The following C8orf34 variants were observed in gnomAD, a reference collection of about 807,000 sequenced individuals.
The protein encoded by C8orf34 is uncharacterized protein C8orf34.
Under a neutral mutation model 68.3 loss-of-function variants are expected in C8orf34, and 65 were observed. The ratio of observed to expected loss-of-function variants is 0.95; its 90% CI spans 0.78 to 1.17. C8orf34 has a LOEUF of 1.17. Ranked by LOEUF, C8orf34 falls within the 50% of genes most tolerant of loss-of-function variation. The pLI is 0.00. For missense variants in C8orf34, 664 were observed against 655.4 expected, an observed-to-expected ratio of 1.01 and a Z score of -0.14; for synonymous variants, 244 against 241.2, an observed-to-expected ratio of 1.01 and a Z score of -0.11.
chr8:68,693,601 G>C (rs1297911378), intron 8 of C8orf34, among the ~76,000 whole-genome samples: 1 of 152,020 alleles, frequency 6.6e-6, no homozygotes, highest in East Asian at 1.9e-4. Flanking sequence ...AATTATGCTG[G>C]AGACTAAAAA....
At chr8:68,494,663 T>TCGA (rs1813448225) in intron 5 of C8orf34, among the ~76,000 whole-genome samples, 2 of 152,174 alleles carry the variant, frequency 1.3e-5, no homozygotes, top group South Asian at 4.1e-4. Context: ...GAGACCAGCT[T>TCGA]GGCCAACATG....
chr8:68,791,068 A>G (rs775667515), intron 12 of C8orf34: 4 of 588,686 alleles, frequency 6.8e-6, no homozygotes, highest in Non-Finnish European at 1.2e-5. Flanking sequence ...ATTTGAAGAA[A>G]TATACATGGA....
At chr8:68,760,785 G>A (rs764595473) in intron 10 of C8orf34, among the ~76,000 whole-genome samples, 4 of 152,158 alleles carry the variant, frequency 2.6e-5, no homozygotes, top group Non-Finnish European at 5.9e-5. Flanking sequence ...CTAAGAAGTG[G>A]AAAATATCTA....
At chr8:68,739,961 C>T (rs1048544506) in intron 10 of C8orf34, among the ~76,000 whole-genome samples, 7 of 152,148 alleles carry the variant, frequency 4.6e-5, no homozygotes, top group Admixed American at 2.6e-4. Flanking sequence ...ACACCTACAA[C>T]TATCTGATCT....
intron 3 of C8orf34, among the ~76,000 whole-genome samples, chr8:68,462,505 A>G (rs1227913764): frequency 1.1e-3 from 169 of 151,516 alleles, no homozygotes; most frequent in African/African-American, 3.7e-3. Context: ...TCAGCACCAC[A>G]CCACACCTAT....
chr8:68,566,410 G>A (rs534587887), intron 7 of C8orf34, among the ~76,000 whole-genome samples: 1 of 152,278 alleles, frequency 6.6e-6, no homozygotes, highest in African/African-American at 2.4e-5. Context: ...AGAACATGTG[G>A]TATTTGGTTT....
intron 10 of C8orf34, among the ~76,000 whole-genome samples, chr8:68,750,653 G>A (rs1042824806): frequency 3.9e-5 from 6 of 152,130 alleles, no homozygotes; most frequent in East Asian, 1.9e-4. Flanking sequence ...TGTGTGATCC[G>A]CAAACAGAAA....
chr8:68,531,792 G>C (rs1030783350), intron 6 of C8orf34, among the ~76,000 whole-genome samples: 1 of 152,010 alleles, frequency 6.6e-6, no homozygotes, highest in South Asian at 2.1e-4. Context: ...AGAGAACTGT[G>C]AAAAGGGTAC....
intron 10 of C8orf34, among the ~76,000 whole-genome samples, chr8:68,767,124 G>A (rs910382938): frequency 6.6e-6 from 1 of 152,150 alleles, no homozygotes; most frequent in Non-Finnish European, 1.5e-5. Context: ...AACCTGGGAA[G>A]CGGAGGTTGC....
chr8:68,515,423 TAA>T (rs1159723955), intron 5 of C8orf34, among the ~76,000 whole-genome samples: 1 of 151,886 alleles, frequency 6.6e-6, no homozygotes, highest in Admixed American at 6.6e-5. Flanking sequence ...CTTCACCACT[TAA>T]GTGTGGGTAG....
chr8:68,375,728 A>G (rs1807763777), intron 1 of C8orf34, among the ~76,000 whole-genome samples: 3 of 152,204 alleles, frequency 2.0e-5, no homozygotes, highest in South Asian at 2.1e-4. Flanking sequence ...TGTGTGTCTT[A>G]CCTTGACCTA....
chr8:68,510,303 G>A (rs1482390109), intron 5 of C8orf34, among the ~76,000 whole-genome samples: 4 of 152,164 alleles, frequency 2.6e-5, no homozygotes, highest in Admixed American at 1.3e-4. Context: ...GTAGGATTTG[G>A]GTGGATGGTG....
At chr8:68,763,549 C>G (rs1471715270) in intron 10 of C8orf34, among the ~76,000 whole-genome samples, 1 of 151,538 alleles carries the variant, frequency 6.6e-6, no homozygotes, top group African/African-American at 2.4e-5. Flanking sequence ...ATGTCTTTCT[C>G]TACTTCATAT....
At chr8:68,609,386 C>T (rs1244851627) in intron 7 of C8orf34, among the ~76,000 whole-genome samples, 2 of 151,982 alleles carry the variant, frequency 1.3e-5, no homozygotes, top group Non-Finnish European at 2.9e-5. Context: ...AATGATCTTC[C>T]AGGAGAGAAC....
intron 3 of C8orf34, among the ~76,000 whole-genome samples, chr8:68,460,840 G>A (rs971372824): frequency 1.3e-5 from 2 of 151,854 alleles, no homozygotes; most frequent in Non-Finnish European, 2.9e-5. Flanking sequence ...ACAAAGATGG[G>A]GAAAAAACAG....
At chr8:68,717,903 A>G (rs1028939046) in intron 9 of C8orf34, among the ~76,000 whole-genome samples, 3 of 152,200 alleles carry the variant, frequency 2.0e-5, no homozygotes, top group African/African-American at 7.2e-5. Flanking sequence ...TTTAACCCTG[A>G]CAATGAACAT....
intron 8 of C8orf34, among the ~76,000 whole-genome samples, chr8:68,647,423 T>A (rs1157607446): frequency 1.3e-5 from 2 of 152,324 alleles, no homozygotes; most frequent in East Asian, 3.9e-4. Context: ...TACTATATGT[T>A]CCAGCAATCC....
chr8:68,812,539 T>C (rs757258065), intron 12 of C8orf34, among the ~76,000 whole-genome samples: 3 of 152,156 alleles, frequency 2.0e-5, no homozygotes, highest in Non-Finnish European at 4.4e-5. Context: ...TTTAAAATTT[T>C]TTTTAAGGTT....
chr8:68,626,130 G>A (rs1489326128), intron 7 of C8orf34, among the ~76,000 whole-genome samples: 1 of 152,092 alleles, frequency 6.6e-6, no homozygotes, highest in Non-Finnish European at 1.5e-5. Context: ...GGGAAGTGAA[G>A]TAGAAAGGAC....
Sources: allele counts gnomAD v4.1 joint callset (sites outside exome capture counted in the v4.1 genomes callset), GRCh38; gene constraint gnomAD v4.1.1; transcripts MANE v1.5; gene names NCBI Gene and HGNC (gene_info 2026-07-23, HGNC 2026-07-21).